The following RFX4 variants were observed in gnomAD, a reference collection of about 807,000 sequenced individuals.
The protein encoded by RFX4 is regulatory factor X4, also known as transcription factor RFX4.
RFX4 carries 10 observed loss-of-function variants against 95.0 expected under a neutral mutation model. The observed-to-expected ratio is 0.11, with a 90% CI of 0.06 to 0.18. RFX4 has a LOEUF of 0.18. RFX4 is among the 10% of genes least tolerant of loss of function. RFX4 has a pLI of 1.00. For synonymous variants in RFX4, 321 were observed against 340.7 expected (o/e 0.94, Z 0.64); for missense variants, 640 against 922.0 (o/e 0.69, Z 3.96).
intron 13 of RFX4, 47 bp from the exon 14 acceptor site, chr12:106,732,083 C>T (rs764736618): frequency 1.2e-6 from 2 of 1,603,056 alleles, no homozygotes; most frequent in Admixed American, 3.4e-5. Context: ...AGGGGGCATA[C>T]ACGAGACAGC....
chr12:106,672,483 G>A (rs1270356430), intron 4 of RFX4, among the ~76,000 whole-genome samples: 1 of 152,170 alleles, frequency 6.6e-6, no homozygotes, highest in Non-Finnish European at 1.5e-5. Context: ...CTTTAGGCAG[G>A]CTTCATTGAA....
chr12:106,760,071 AG>A (rs1266901587), intron 17 of RFX4, among the ~76,000 whole-genome samples: 8 of 152,062 alleles, frequency 5.3e-5, no homozygotes, highest in Admixed American at 6.5e-5. Flanking sequence ...CCCTCACAGG[AG>A]GCAGCCTCCC....
intron 5 of RFX4, chr12:106,684,929 T>A: frequency 6.2e-7 from 1 of 1,613,120 alleles, no homozygotes. Flanking sequence ...TAAAGGAGGG[T>A]TGGGGAGAGG....
At chr12:106,724,918 A>G (rs1343529487) in intron 13 of RFX4, among the ~76,000 whole-genome samples, 1 of 151,678 alleles carries the variant, frequency 6.6e-6, no homozygotes, top group African/African-American at 2.4e-5. Flanking sequence ...AGGCTGAGGC[A>G]GGAGAATCGC....
intron 2 of RFX4, among the ~76,000 whole-genome samples, chr12:106,617,504 G>C (rs902858822): frequency 6.6e-6 from 1 of 151,932 alleles, no homozygotes; most frequent in African/African-American, 2.4e-5. Flanking sequence ...GGTTTATTTA[G>C]AAATCTGTTG....
chr12:106,730,321 G>A (rs1350508380), intron 13 of RFX4, among the ~76,000 whole-genome samples: 1 of 152,200 alleles, frequency 6.6e-6, no homozygotes, highest in Non-Finnish European at 1.5e-5. Flanking sequence ...CTGAGACTTG[G>A]AGAGACCTAG....
chr12:106,713,062 CAA>C (rs1314269673), intron 10 of RFX4, among the ~76,000 whole-genome samples: 1 of 152,224 alleles, frequency 6.6e-6, no homozygotes, highest in Non-Finnish European at 1.5e-5. Context: ...ATTTAATCAG[CAA>C]ATGCCCCATT....
In RFX4 at chr12:106,715,544, T is replaced by A. The variant is rs766075775; in HGVS notation, c.1138T>A (p.Leu380Ile). 6.2e-7 allele frequency: 1 copy of A among 1,613,750 alleles called. No homozygotes were observed. The highest frequency in any genetic ancestry group is 1.3e-5 in the African/African-American group (1 of 74,928). Residue 380 changes from leucine (L) to isoleucine (I), a missense_variant and splice_region_variant, in exon 11 of 18, where the codon TTA (leucine) becomes ATA (isoleucine). Transcript: ENST00000392842. ...RDEHRKLITQ[L>I]YQEFDHLLEE... ...TGAGCACCGGAAACTCATCACCCAA[T>A]GTAAGCTGTCCCACCAGGGATTGTT...
At chr12:106,608,710 T>A (rs1272509863) in intron 1 of RFX4, 87 bp from the exon 2 acceptor site, 4 of 1,197,668 alleles carry the variant, frequency 3.3e-6, no homozygotes, top group Non-Finnish European at 4.6e-6. Context: ...TTTATGATGT[T>A]CTGTCTCTTC....
chr12:106,616,168 A>G (rs1370831539), intron 2 of RFX4, among the ~76,000 whole-genome samples: 4 of 152,240 alleles, frequency 2.6e-5, no homozygotes, highest in African/African-American at 9.6e-5. Context: ...CTTTTCTTAA[A>G]TGGGTGTTGA....
At position 106,720,483 on chromosome 12, in the gene RFX4, T is replaced by C. The variant is rs372780732; in HGVS notation, c.1234-276T>C. On this transcript the variant is annotated intron_variant, in intron 12 of 17. Coordinates refer to ENST00000392842, the MANE Select transcript of RFX4 (RefSeq NM_213594.3). The surrounding 1 kb of genome is among the most constrained non-coding windows in gnomAD (Gnocchi z 4.2). ...TGCAGCCTTGACCTCCCCAGGCTCA[T>C]GTGATCCTCCCACCTCAGCCTCCTG... Among the ~76,000 whole-genome samples the C allele has an allele frequency of 2.0e-5, 3 of 152,118 alleles. No homozygotes were observed. The highest frequency in any genetic ancestry group is 4.4e-5 in the Non-Finnish European group (3 of 68,034).
At chr12:106,597,262 G>A (rs991850388) in intron 1 of RFX4, among the ~76,000 whole-genome samples, 12 of 151,738 alleles carry the variant, frequency 7.9e-5, no homozygotes, top group African/African-American at 2.9e-4. Flanking sequence ...TTTTTAATAG[G>A]AAGGAAATTG....
chr12:106,721,886 C>T (rs995293297), intron 13 of RFX4, among the ~76,000 whole-genome samples: 16 of 152,142 alleles, frequency 1.1e-4, no homozygotes, highest in Admixed American at 9.2e-4. Context: ...TGCTATACAA[C>T]GAAGTAAATA....
rs147899818 is a variant in RFX4 at position 106,761,293 on chromosome 12, G to A, written c.2032G>A (p.Val678Met). 331 of 1,613,934 alleles carry A rather than the reference G, an allele frequency of 2.1e-4. No individual in the cohort carries two copies. The highest frequency in any genetic ancestry group is 2.6e-4 in the Non-Finnish European group (312 of 1,180,012). Residue 678 changes from valine (V) to methionine (M), a missense_variant, in exon 18 of 18, where the codon GTG becomes ATG. This residue lies in a region of RFX4 where 300 missense variants were observed against 346.8 expected (regional missense o/e 0.87). Transcript: ENST00000392842. ...PTPVTPRWPE[V>M]PSANTCYTSP... ...CCCAGTCACTCCCCGCTGGCCAGAG[G>A]TGCCCTCAGCCAACACGTGCTACAC...
At chr12:106,632,221 C>T (rs2040429984) in intron 2 of RFX4, among the ~76,000 whole-genome samples, 1 of 152,182 alleles carries the variant, frequency 6.6e-6, no homozygotes, top group South Asian at 2.1e-4. Context: ...GGAATCATAA[C>T]TGCCAAGTGG....
chr12:106,636,005 A>T (rs1252433565), intron 2 of RFX4, among the ~76,000 whole-genome samples: 1 of 152,166 alleles, frequency 6.6e-6, no homozygotes, highest in Non-Finnish European at 1.5e-5. Flanking sequence ...TTAAGACTGG[A>T]GAAGGCACAC....
intron 11 of RFX4, among the ~76,000 whole-genome samples, chr12:106,717,104 CCT>C (rs1194131099): frequency 1.3e-5 from 2 of 151,992 alleles, no homozygotes; most frequent in Admixed American, 1.3e-4. Flanking sequence ...TTTCCTGTCC[CCT>C]GATGGAAAGT....
chr12:106,688,671 A>C (rs1251323392), intron 6 of RFX4, among the ~76,000 whole-genome samples: 4 of 152,244 alleles, frequency 2.6e-5, no homozygotes, highest in South Asian at 4.1e-4. Context: ...GTCAATAAAC[A>C]TACAAATGAA....
intron 4 of RFX4, chr12:106,681,228 A>G (rs1229881232): frequency 1.3e-5 from 2 of 152,184 alleles, no homozygotes; most frequent in Admixed American, 6.5e-5. Context: ...GGGTCTTTGC[A>G]TGTGCCAAAC....
Sources: gnomAD v4.1 joint callset for allele counts (sites outside exome capture counted in the v4.1 genomes callset) on GRCh38, gnomAD v4.1.1 for gene constraint, gnomAD v4.1.1 regional missense constraint, Gnocchi (gnomAD v3.1) non-coding constraint, MANE v1.5 for transcripts, NCBI Gene and HGNC (gene_info 2026-07-23, HGNC 2026-07-21) for gene names.